KIAA1586: variants seen among roughly 807,000 people sequenced by gnomAD.
KIAA1586 encodes E3 SUMO-protein ligase KIAA1586.
Under a neutral mutation model 6.1 loss-of-function variants are expected in KIAA1586, and 5 were observed. The observed-to-expected ratio is 0.82, with a 90% CI of 0.43 to 1.73. The LOEUF (loss-of-function observed/expected upper bound fraction) is 1.73. KIAA1586 is among the 40% of genes most tolerant of loss of function. KIAA1586 has a pLI of 0.02. For missense variants in KIAA1586, 899 were observed against 878.2 expected (o/e 1.02, Z -0.30); for synonymous variants, 280 against 301.7 (o/e 0.93, Z 0.75).
In KIAA1586 at chr6:57,053,031, G is replaced by A. The variant is rs765367160; in HGVS notation, c.532G>A (p.Val178Ile). The A allele has an allele frequency of 6.2e-7, 1 of 1,613,722 alleles. No individual in the cohort carries two copies. The highest frequency in any genetic ancestry group is 8.5e-7 in the Non-Finnish European group (1 of 1,179,900). ...RHLGSKAEKH[V>I]HVSKEWIAYL... Reference sequence around the variant, plus strand: ...TTTGGGATCGAAAGCAGAAAAGCATGTCCATGTGTCCAAGGAATGGATTGC... The same window carrying A: ...TTTGGGATCGAAAGCAGAAAAGCATATCCATGTGTCCAAGGAATGGATTGC... The change falls in exon 4 of 4, where the codon GTC (valine) becomes ATC (isoleucine). Residue 178 changes from valine to isoleucine, a missense_variant. Val to Ile is a conservative substitution (Grantham distance 29). Coordinates refer to ENST00000370733, the MANE Select transcript of KIAA1586 (RefSeq NM_020931.4).
chr6:57,049,279 T>A (rs1054867488), intron 2 of KIAA1586, among the ~76,000 whole-genome samples: 1 of 152,190 alleles, frequency 6.6e-6, no homozygotes, highest in African/African-American at 2.4e-5. Context: ...CATCCTATAC[T>A]GGGCTCTACC....
the KIAA1586 span, among the ~76,000 whole-genome samples, chr6:57,062,014 C>A: frequency 1.3e-5 from 2 of 151,802 alleles, no homozygotes; most frequent in African/African-American, 4.8e-5. Flanking sequence ...TTACTGCAAC[C>A]TCCACCACCT....
At position 57,054,039 on chromosome 6, in the gene KIAA1586, G is replaced by A; in HGVS notation, c.1540G>A (p.Ala514Thr). 1 of 1,610,814 alleles carries A rather than the reference G, an allele frequency of 6.2e-7. No individual in the cohort carries two copies. Among genetic ancestry groups the A allele is most frequent in the Non-Finnish European group, 8.5e-7 (1 of 1,178,410 alleles). Reference protein sequence around the residue: ...MHFSHSYSGLAKRLANINFLQ... With the variant: ...MHFSHSYSGLTKRLANINFLQ... Reference sequence around the variant, plus strand: ...TTTTTCTCATTCTTACTCTGGTTTGGCGAAGAGATTAGCTAACATTAATTT... The same window carrying A: ...TTTTTCTCATTCTTACTCTGGTTTGACGAAGAGATTAGCTAACATTAATTT... The change falls in exon 4 of 4, where the codon GCG becomes ACG. Residue 514 changes from alanine to threonine, a missense_variant. Transcript: ENST00000370733.
chr6:57,060,276 T>C, the KIAA1586 span, among the ~76,000 whole-genome samples: 1 of 152,134 alleles, frequency 6.6e-6, no homozygotes, highest in South Asian at 2.1e-4. Context: ...TTAGGGATGC[T>C]CGATTTAAGA....
rs1291046973 is a variant in KIAA1586, at chr6:57,053,158, A to C, written c.659A>C (p.Gln220Pro). ...GTTTCTAAAGCCCATGGTAAAATTC[A>C]GGATTTGTTAAAGGAATCAACTAAT... Reference protein sequence around the residue: ...HDVSKAHGKIQDLLKESTNDS... With the variant: ...HDVSKAHGKIPDLLKESTNDS... Residue 220 changes from glutamine (Q) to proline (P), a missense_variant, in exon 4 of 4, where the codon CAG becomes CCG. Transcript: ENST00000370733. 1.2e-6 allele frequency: 2 copies of C among 1,610,450 alleles called. No homozygotes were observed. Among genetic ancestry groups the C allele is most frequent in the Non-Finnish European group, 1.7e-6 (2 of 1,179,050 alleles).
chr6:57,063,659 G>A, the KIAA1586 span, among the ~76,000 whole-genome samples: 2 of 151,780 alleles, frequency 1.3e-5, no homozygotes, highest in Non-Finnish European at 2.9e-5. Flanking sequence ...TCACCATGTT[G>A]GCCAGGCTGG....
intron 2 of KIAA1586, among the ~76,000 whole-genome samples, chr6:57,050,521 G>T (rs576644179): frequency 6.8e-6 from 1 of 147,706 alleles, no homozygotes; most frequent in Non-Finnish European, 1.5e-5. Flanking sequence ...TCACTATGTT[G>T]CCCAGGCTGA....
At chr6:57,056,354 C>A (rs1658940769), downstream of KIAA1586, among the ~76,000 whole-genome samples, 1 of 151,516 alleles carries the variant, frequency 6.6e-6, no homozygotes. Flanking sequence ...TTACAGGTGT[C>A]TGCCACCATG....
Position 57,052,044 on chromosome 6 carries a change from A to T in KIAA1586, c.187-642A>T, listed in dbSNP as rs541992325. On this transcript the variant is annotated intron_variant, in intron 3 of 3. Transcript: ENST00000370733. ...TTGATGTCATTGATGAATGAGCGAA[A>T]CTCTAATATATGTCTTTATTGTTTC... Among the ~76,000 whole-genome samples the T allele has an allele frequency of 5.8e-4, 88 of 152,148 alleles. 1 individual carries two copies. In the East Asian group the frequency reaches 0.011, roughly 20 times the overall value.
Position 57,053,917 on chromosome 6 carries a change from T to G in KIAA1586, c.1418T>G (p.Ile473Ser). 1 of 1,581,416 alleles carries G rather than the reference T, an allele frequency of 6.3e-7. No homozygotes were observed. The highest frequency in any genetic ancestry group is 1.2e-5 in the South Asian group (1 of 83,466). ...GTVAKELETE[I>S]IKIGRVMGPR... ...GTAGCTAAAGAACTTGAAACTGAAATTATTAAAATTGGTCGAGTAATGGGA... is the reference window on the plus strand; with the variant it reads ...GTAGCTAAAGAACTTGAAACTGAAAGTATTAAAATTGGTCGAGTAATGGGA... Residue 473 changes from isoleucine to serine, a missense_variant, in exon 4 of 4, where the codon ATT becomes AGT. Coordinates refer to ENST00000370733, the MANE Select transcript of KIAA1586 (RefSeq NM_020931.4).
chr6:57,052,031 A>G (rs1308874134), intron 3 of KIAA1586, among the ~76,000 whole-genome samples: 1 of 152,202 alleles, frequency 6.6e-6, no homozygotes. Flanking sequence ...GATGTCATTG[A>G]TGAATGAGCG....
downstream of KIAA1586, among the ~76,000 whole-genome samples, chr6:57,058,316 C>T (rs1232506489): frequency 1.3e-5 from 2 of 152,132 alleles, no homozygotes; most frequent in Non-Finnish European, 2.9e-5. Flanking sequence ...ATGGTCTCTA[C>T]AACAAATTGT....
chr6:57,057,321 A>G (rs1828513764), downstream of KIAA1586, among the ~76,000 whole-genome samples: 1 of 152,174 alleles, frequency 6.6e-6, no homozygotes, highest in African/African-American at 2.4e-5. Context: ...AATTGATTCT[A>G]AATCTGAAAA....
chr6:57,052,577 A>G, intron 3 of KIAA1586, 109 bp from the exon 4 acceptor site: 1 of 796,316 alleles, frequency 1.3e-6, no homozygotes, highest in Non-Finnish European at 1.8e-6. Flanking sequence ...CAGGTTAAAT[A>G]TTTAAGTTTA....
Position 57,053,490 on chromosome 6 carries a change from G to A in KIAA1586, c.991G>A (p.Val331Met), listed in dbSNP as rs148273098. The A allele has an allele frequency of 9.7e-5, 156 of 1,613,482 alleles. 1 individual carries two copies. In the African/African-American group the frequency reaches 1.7e-3, roughly 18 times the overall value. The change falls in exon 4 of 4, where the codon GTG becomes ATG. Residue 331 changes from valine to methionine, a missense_variant. By Grantham distance (21) the Val-to-Met change is conservative. Transcript: ENST00000370733. ...ASTVSKKTTL[V>M]IYLQCTIQSA... ...TACAGTTTCAAAGAAAACCACCCTA[G>A]TGATTTATCTCCAGTGCACAATTCA...
downstream of KIAA1586, among the ~76,000 whole-genome samples, chr6:57,057,121 G>A (rs1009522090): frequency 2.0e-5 from 3 of 151,668 alleles, no homozygotes; most frequent in African/African-American, 4.8e-5. Flanking sequence ...CCAGCTACTC[G>A]GGAGGCTAGG....
At chr6:57,050,951 C>A in intron 3 of KIAA1586, 97 bp downstream of exon 3, 1 of 903,492 alleles carries the variant, frequency 1.1e-6, no homozygotes, top group Non-Finnish European at 1.8e-6. Context: ...AATTGTTGGC[C>A]AGGCACGGTG....
chr6:57,053,393 AATGAAG>A lies in KIAA1586; in HGVS notation c.903_908del (p.Met301_Lys302del), dbSNP rs760127796. On this transcript the variant is annotated inframe_deletion, in exon 4 of 4. Transcript: ENST00000370733. Reference sequence around the variant, plus strand: ...GAATAGCAGAACATATTGCAAAAGAAATGAAGATGAAGATATTTAAGAATATTATAG... The same window carrying A: ...GAATAGCAGAACATATTGCAAAAGAAATGAAGATATTTAAGAATATTATAG... 53 of 1,609,486 alleles carry A rather than the reference AATGAAG, an allele frequency of 3.3e-5. No homozygotes were observed. The highest frequency in any genetic ancestry group is 1.2e-4 in the South Asian group (11 of 90,364).
In KIAA1586 at chr6:57,054,010, T is replaced by G; in HGVS notation, c.1511T>G (p.Met504Arg). 6.2e-7 allele frequency: 1 copy of G among 1,609,408 alleles called. No individual in the cohort carries two copies. The highest frequency in any genetic ancestry group is 1.7e-5 in the Admixed American group (1 of 59,058). ...AVWHAYPILY[M>R]HFSHSYSGLA... ...TGGCATGCATATCCTATATTATATATGCATTTTTCTCATTCTTACTCTGGT... is the reference window on the plus strand; with the variant it reads ...TGGCATGCATATCCTATATTATATAGGCATTTTTCTCATTCTTACTCTGGT... The change falls in exon 4 of 4, where the codon ATG (methionine) becomes AGG (arginine). Residue 504 changes from methionine (M) to arginine (R), a missense_variant. Transcript: ENST00000370733.
Sources: gnomAD v4.1 joint callset for allele counts (sites outside exome capture counted in the v4.1 genomes callset) on GRCh38, gnomAD v4.1.1 for gene constraint, MANE v1.5 for transcripts, NCBI Gene and HGNC (gene_info 2026-07-23, HGNC 2026-07-21) for gene names.